PCNX2: variants seen among roughly 807,000 people sequenced by gnomAD.
The protein encoded by PCNX2 is pecanex 2.
PCNX2 carries 168 observed loss-of-function variants against 223.8 expected under a neutral mutation model. That is an observed-to-expected ratio of 0.75 (90% CI 0.66 to 0.85). The LOEUF (loss-of-function observed/expected upper bound fraction) is 0.85. PCNX2 is among the 40% of genes least tolerant of loss of function. PCNX2 has a pLI of 0.00. For synonymous variants in PCNX2, 1,006 were observed against 1,052.6 expected (o/e 0.96, Z 0.86); for missense variants, 2,507 against 2,675.5 (o/e 0.94, Z 1.39).
intron 21 of PCNX2, among the ~76,000 whole-genome samples, chr1:233,105,279 T>C (rs1674700093): frequency 6.6e-6 from 1 of 152,126 alleles, no homozygotes; most frequent in Non-Finnish European, 1.5e-5. Context: ...TTCACAAAAT[T>C]GAGAAAGTAA....
intron 8 of PCNX2, among the ~76,000 whole-genome samples, chr1:233,240,025 T>C (rs1227749841): frequency 2.0e-5 from 3 of 152,252 alleles, no homozygotes; most frequent in Non-Finnish European, 4.4e-5. Flanking sequence ...CTGGTATATG[T>C]CTGCATCAGA....
chr1:233,038,656 C>T (rs755601423), intron 25 of PCNX2, among the ~76,000 whole-genome samples: 1 of 152,148 alleles, frequency 6.6e-6, no homozygotes, highest in Non-Finnish European at 1.5e-5. Context: ...ATTTGTAAGA[C>T]CTAAGAACTA....
chr1:232,984,495 G>A lies in PCNX2; in HGVS notation c.6241-18C>T, dbSNP rs936661197. On this transcript the variant is annotated intron_variant, in intron 33 of 33. Transcript: ENST00000258229. The stretch of plus-strand genomic sequence containing the variant: ...GAGAGGTGCTTCCAAAGAGAAGAGA[G>A]AAACAGTGAACAGCTCAGCAAACGT... 3 of 1,609,368 alleles carry A rather than the reference G, an allele frequency of 1.9e-6. No homozygotes were observed. Among genetic ancestry groups the A allele is most frequent in the East Asian group, 4.5e-5 (2 of 44,780 alleles).
intron 1 of PCNX2, among the ~76,000 whole-genome samples, chr1:233,293,269 C>G (rs1159643242): frequency 6.6e-6 from 1 of 152,096 alleles, no homozygotes. Context: ...AAATATATTG[C>G]TTTTATTCTT....
chr1:233,052,586 A>G (rs1572049924), intron 25 of PCNX2, among the ~76,000 whole-genome samples: 1 of 152,096 alleles, frequency 6.6e-6, no homozygotes, highest in Non-Finnish European at 1.5e-5. Flanking sequence ...CTTGCAGGAC[A>G]CTGTCATAAC....
chr1:233,095,769 A>C lies in PCNX2; in HGVS notation c.3932T>G (p.Leu1311Arg), dbSNP rs1674125612. The change falls in exon 22 of 34, where the codon CTC (leucine) becomes CGC (arginine). Residue 1311 changes from leucine to arginine, a missense_variant. Physicochemically the swap from Leu to Arg is moderately radical, Grantham distance 102. Coordinates refer to ENST00000258229, the MANE Select transcript of PCNX2 (RefSeq NM_014801.4). Reference protein sequence around the residue: ...WGSSFHVFAQLFAIPHSAMLF... With the variant: ...WGSSFHVFAQRFAIPHSAMLF... Reference sequence around the variant, plus strand: ...AGAAAGGATACGAGGAATGGCAAAGAGCTGAGCAAACACGTGAAACGAAGA... The same window carrying C: ...AGAAAGGATACGAGGAATGGCAAAGCGCTGAGCAAACACGTGAAACGAAGA... 5.0e-6 allele frequency: 8 copies of C among 1,606,442 alleles called. No homozygotes were observed. The highest frequency in any genetic ancestry group is 1.3e-5 in the African/African-American group (1 of 74,782).
At chr1:233,028,572 C>T (rs67466313) in intron 25 of PCNX2, among the ~76,000 whole-genome samples, 27,851 of 152,002 alleles carry the variant, frequency 0.18, 2,751 homozygotes, top group African/African-American at 0.26. Context: ...AGGAATGCAA[C>T]TTTCTATCTT....
chr1:233,142,671 C>T (rs1677199574), intron 19 of PCNX2, among the ~76,000 whole-genome samples: 1 of 152,190 alleles, frequency 6.6e-6, no homozygotes, highest in Non-Finnish European at 1.5e-5. Flanking sequence ...ACTGGGGACA[C>T]CTCTGCCCCT....
chr1:233,079,079 A>G (rs2102918379), intron 23 of PCNX2, among the ~76,000 whole-genome samples: 1 of 152,268 alleles, frequency 6.6e-6, no homozygotes, highest in African/African-American at 2.4e-5. Context: ...CACCTTGGTG[A>G]TTGGGCAAGG....
At chr1:233,188,484 A>C (rs1558323621) in intron 15 of PCNX2, among the ~76,000 whole-genome samples, 1 of 152,100 alleles carries the variant, frequency 6.6e-6, no homozygotes, top group Non-Finnish European at 1.5e-5. Flanking sequence ...GGTCAGACCC[A>C]TTCAGAATAA....
At chr1:233,039,850 T>C (rs1315542995) in intron 25 of PCNX2, among the ~76,000 whole-genome samples, 1 of 152,230 alleles carries the variant, frequency 6.6e-6, no homozygotes, top group South Asian at 2.1e-4. Context: ...AGATTCATGA[T>C]GAACACAAAC....
At chr1:233,025,478 T>G in intron 25 of PCNX2, 79 bp from the exon 26 acceptor site, 1 of 1,545,754 alleles carries the variant, frequency 6.5e-7, no homozygotes, top group African/African-American at 1.4e-5. Context: ...CCCCATGCCT[T>G]CATCAGAGGG....
intron 21 of PCNX2, among the ~76,000 whole-genome samples, chr1:233,117,870 C>G (rs958015186): frequency 6.7e-6 from 1 of 150,308 alleles, no homozygotes; most frequent in African/African-American, 2.4e-5. Context: ...ATTAGCCGGG[C>G]GTAGTGGCGG....
intron 1 of PCNX2, chr1:233,291,738 T>C (rs767576840): frequency 9.3e-6 from 9 of 971,874 alleles, no homozygotes; most frequent in African/African-American, 1.9e-5. Flanking sequence ...CTGCTCTGAA[T>C]CTCCATTAAT....
rs551350288 is a variant in PCNX2 at position 233,001,269 on chromosome 1, C to T, written c.5097+268G>A. ...CTAAGGCGGGCAGATCACTTAAGGT[C>T]GGGAGTTCGAGATCAGCCTGACCAA... On this transcript the variant is annotated intron_variant, in intron 29 of 33. Coordinates refer to ENST00000258229, the MANE Select transcript of PCNX2 (RefSeq NM_014801.4). The surrounding 1 kb of genome is among the most constrained non-coding windows in gnomAD (Gnocchi z 4.2). Among the ~76,000 whole-genome samples, 4 of 152,196 alleles carry T rather than the reference C, an allele frequency of 2.6e-5. No homozygotes were observed. In the East Asian group the frequency reaches 5.8e-4, roughly 22 times the overall value.
chr1:233,268,241 C>T (rs1391177063), intron 1 of PCNX2, among the ~76,000 whole-genome samples: 2 of 152,102 alleles, frequency 1.3e-5, no homozygotes, highest in Admixed American at 6.6e-5. Flanking sequence ...AACTGCCTCA[C>T]CATTTTCCAT....
At chr1:233,033,903 C>T (rs993806955) in intron 25 of PCNX2, among the ~76,000 whole-genome samples, 5 of 152,088 alleles carry the variant, frequency 3.3e-5, no homozygotes, top group African/African-American at 1.2e-4. Context: ...ACCCTATCCT[C>T]CAAGGTGATG....
rs190405917 is a variant in PCNX2 at position 233,197,846 on chromosome 1, G to A, written c.3066+1093C>T. Among the ~76,000 whole-genome samples, 11 of 152,100 alleles carry A rather than the reference G, an allele frequency of 7.2e-5. No homozygotes were observed. In the East Asian group the frequency reaches 1.9e-3, roughly 27 times the overall value. On this transcript the variant is annotated intron_variant, in intron 15 of 33. Transcript: ENST00000258229. Reference sequence around the variant, plus strand: ...AAAAGTGAGTTAAGAAATGTTACGTGATTTATATTAAAAACACTTTGGAAC... The same window carrying A: ...AAAAGTGAGTTAAGAAATGTTACGTAATTTATATTAAAAACACTTTGGAAC...
At chr1:233,309,471 G>A in the PCNX2 span, among the ~76,000 whole-genome samples, 2 of 151,694 alleles carry the variant, frequency 1.3e-5, no homozygotes, top group Non-Finnish European at 2.9e-5. Flanking sequence ...AACCCAGGAG[G>A]TGGAGGATGC....
Sources: gnomAD v4.1 joint callset for allele counts (sites outside exome capture counted in the v4.1 genomes callset) on GRCh38, gnomAD v4.1.1 for gene constraint, Gnocchi (gnomAD v3.1) non-coding constraint, MANE v1.5 for transcripts, NCBI Gene and HGNC (gene_info 2026-07-23, HGNC 2026-07-21) for gene names.